ADK: variants seen among roughly 807,000 people sequenced by gnomAD.
The protein encoded by ADK is adenosine kinase, also known as N6,N6-dimethyladenosine kinase.
Under a neutral mutation model 44.7 loss-of-function variants are expected in ADK, and 24 were observed. The ratio of observed to expected loss-of-function variants is 0.54; its 90% CI spans 0.39 to 0.76. The LOEUF (loss-of-function observed/expected upper bound fraction) is 0.76. ADK is among the 30% of genes least tolerant of loss of function. ADK has a pLI of 0.00. For missense variants in ADK, 321 were observed against 425.1 expected (o/e 0.76, Z 2.15); for synonymous variants, 128 against 142.6 (o/e 0.90, Z 0.73).
Position 74,176,836 on chromosome 10 carries a change from A to G in ADK, c.66-23928A>G. ...TGCCCGAGCGGACGTAGAGCATCGG[A>G]CGCGGGCGCCGTGGCGCTGGGCAGG... On this transcript the variant is annotated intron_variant, in intron 1 of 10. Coordinates refer to ENST00000539909, the MANE Select transcript of ADK (RefSeq NM_006721.4). 1.9e-6 allele frequency: 3 copies of G among 1,605,860 alleles called. No homozygotes were observed. In the Admixed American group the frequency reaches 5.0e-5, roughly 27 times the overall value.
intron 4 of ADK, among the ~76,000 whole-genome samples, chr10:74,347,484 T>C (rs539350833): frequency 7.9e-5 from 12 of 152,190 alleles, no homozygotes; most frequent in Non-Finnish European, 1.2e-4. Flanking sequence ...AACACAAAAC[T>C]GGGCGGCTGT....
chr10:74,224,476 C>T (rs1413186686), intron 2 of ADK, 62 bp from the exon 3 acceptor site: 103 of 1,349,276 alleles, frequency 7.6e-5, no homozygotes, highest in Middle Eastern at 1.8e-4. Context: ...TTGAAGAGGT[C>T]AGCTAACTTA....
In ADK at chr10:74,316,414, T is replaced by A. The variant is rs1840621643; in HGVS notation, c.273+1669T>A. 2.6e-5 allele frequency among the ~76,000 whole-genome samples: 4 copies of A among 152,156 alleles called. No homozygotes were observed. The South Asian group carries it at 8.3e-4, about 32-fold the overall frequency. On this transcript the variant is annotated intron_variant, in intron 4 of 10. Transcript: ENST00000539909. The stretch of plus-strand genomic sequence containing the variant: ...AATTGTAATCTGTATAATCCCCACA[T>A]GCCAAGGAAGAGACCAGGTGGAGGT...
intron 6 of ADK, among the ~76,000 whole-genome samples, chr10:74,408,114 G>A (rs1344535378): frequency 6.6e-6 from 1 of 151,564 alleles, no homozygotes; most frequent in African/African-American, 2.4e-5. Flanking sequence ...CCAGTAGCTG[G>A]GATTATAGGC....
chr10:74,357,776 A>G (rs1262484074), intron 4 of ADK, among the ~76,000 whole-genome samples: 1 of 152,168 alleles, frequency 6.6e-6, no homozygotes, highest in Non-Finnish European at 1.5e-5. Flanking sequence ...TCACATTTGC[A>G]TGCTTATAAT....
chr10:74,233,399 G>A (rs1844850686), intron 3 of ADK, among the ~76,000 whole-genome samples: 1 of 152,130 alleles, frequency 6.6e-6, no homozygotes, highest in Admixed American at 6.5e-5. Flanking sequence ...CTTGGTCCTG[G>A]TAGTTGTGGA....
chr10:74,202,250 T>C (rs911276088), intron 2 of ADK, among the ~76,000 whole-genome samples: 15 of 152,250 alleles, frequency 9.9e-5, no homozygotes, highest in African/African-American at 3.6e-4. Flanking sequence ...ATTTTACTTA[T>C]GTAATGCTTT....
At chr10:74,562,020 A>G (rs1850482138) in intron 7 of ADK, among the ~76,000 whole-genome samples, 1 of 152,198 alleles carries the variant, frequency 6.6e-6, no homozygotes, top group Non-Finnish European at 1.5e-5. Context: ...CACGTATACA[A>G]CCTTCTCGCC....
intron 6 of ADK, among the ~76,000 whole-genome samples, chr10:74,488,372 GA>G (rs1216529456): frequency 4.3e-5 from 6 of 139,952 alleles, no homozygotes; most frequent in African/African-American, 1.7e-4. Flanking sequence ...GGGGAAAAAA[GA>G]CGTGTGTGTG....
At chr10:74,394,948 C>T (rs889464913) in intron 5 of ADK, among the ~76,000 whole-genome samples, 1 of 152,142 alleles carries the variant, frequency 6.6e-6, no homozygotes, top group Non-Finnish European at 1.5e-5. Flanking sequence ...TCAGGCCCCT[C>T]CATATATTGG....
At chr10:74,236,251 A>G (rs1053809511) in intron 3 of ADK, among the ~76,000 whole-genome samples, 19 of 152,224 alleles carry the variant, frequency 1.2e-4, no homozygotes, top group Non-Finnish European at 2.2e-4. Context: ...TTTCAACCAT[A>G]AAGCTAGGGA....
intron 1 of ADK, among the ~76,000 whole-genome samples, chr10:74,188,494 A>C (rs1591825758): frequency 1.3e-5 from 2 of 149,952 alleles, no homozygotes; most frequent in Admixed American, 1.3e-4. Context: ...GACTACCGGC[A>C]CCCGCCACCA....
Position 74,228,426 on chromosome 10 carries a change from T to C in ADK, c.194+3835T>C, listed in dbSNP as rs528077216. Among the ~76,000 whole-genome samples the C allele has an allele frequency of 9.8e-5, 15 of 152,354 alleles. 2 individuals carry two copies. The highest frequency in any genetic ancestry group is 3.4e-4 in the African/African-American group (14 of 41,592). ...TAATCAACTGGTTTCATTAGCTTTC[T>C]AGTTTTTTTCAGTTTTAGTTTTGTA... is the stretch of plus-strand genomic sequence containing the variant. On this transcript the variant is annotated intron_variant, in intron 3 of 10. Transcript: ENST00000539909.
chr10:74,574,199 A>G (rs1225981151), intron 7 of ADK, among the ~76,000 whole-genome samples: 2 of 134,052 alleles, frequency 1.5e-5, no homozygotes, highest in Non-Finnish European at 3.1e-5. Flanking sequence ...AAAGATTCTC[A>G]CTCAGCCACC....
chr10:74,186,278 C>G (rs992428760), intron 1 of ADK, among the ~76,000 whole-genome samples: 4 of 151,028 alleles, frequency 2.6e-5, no homozygotes, highest in African/African-American at 9.7e-5. Flanking sequence ...CCCTTCTCCC[C>G]TTTCCCTTCT....
chr10:74,387,900 CT>C (rs897615135), intron 4 of ADK, among the ~76,000 whole-genome samples: 4 of 151,526 alleles, frequency 2.6e-5, no homozygotes, highest in African/African-American at 9.7e-5. Flanking sequence ...CTTTTTATTT[CT>C]TTTTTTTCTT....
intron 1 of ADK, among the ~76,000 whole-genome samples, chr10:74,156,587 T>G (rs1841755489): frequency 6.6e-6 from 1 of 152,134 alleles, no homozygotes; most frequent in African/African-American, 2.4e-5. Context: ...AAACAAAATA[T>G]CTTTCCTGTG....
rs146202615 is a variant in ADK at position 74,515,985 on chromosome 10, C to G, written c.556-9271C>G. On this transcript the variant is annotated intron_variant, in intron 6 of 10. Coordinates refer to ENST00000539909, the MANE Select transcript of ADK (RefSeq NM_006721.4). ...TGGAGAGGTGCAGTGGCCACTTTCCCCCCAGAGGAGGGCATACTACACAGG... is the reference window on the plus strand; with the variant it reads ...TGGAGAGGTGCAGTGGCCACTTTCCGCCCAGAGGAGGGCATACTACACAGG... 1.3e-3 allele frequency among the ~76,000 whole-genome samples: 203 copies of G among 152,230 alleles called. 1 individual carries two copies. The highest frequency in any genetic ancestry group is 4.6e-3 in the African/African-American group (191 of 41,554).
intron 4 of ADK, chr10:74,371,958 C>T (rs1842673799): frequency 2.0e-6 from 2 of 984,024 alleles, no homozygotes; most frequent in Non-Finnish European, 3.2e-6. Flanking sequence ...TTACGTTAAC[C>T]TATCTACCGT....
Sources: gnomAD v4.1 joint callset for allele counts (sites outside exome capture counted in the v4.1 genomes callset) on GRCh38, gnomAD v4.1.1 for gene constraint, MANE v1.5 for transcripts, NCBI Gene and HGNC (gene_info 2026-07-23, HGNC 2026-07-21) for gene names.